STXBP5L: variants seen among roughly 807,000 people sequenced by gnomAD.
The protein encoded by STXBP5L is syntaxin-binding protein 5-like.
A neutral mutation model predicts 144.5 loss-of-function variants in STXBP5L; 65 were observed. The observed-to-expected ratio is 0.45, with a 90% confidence interval of 0.37 to 0.55. The LOEUF (loss-of-function observed/expected upper bound fraction) is 0.55. Ranked by LOEUF, STXBP5L falls within the 20% of genes least tolerant of loss-of-function variation. The pLI, the probability that STXBP5L is intolerant of heterozygous loss-of-function variation, is 0.00. For synonymous variants in STXBP5L, 505 were observed against 469.6 expected (o/e 1.08, Z -0.97); for missense variants, 1,298 against 1,405.5 (o/e 0.92, Z 1.22).
At chr3:121,292,048 A>C (rs1380463859) in intron 19 of STXBP5L, among the ~76,000 whole-genome samples, 1 of 152,232 alleles carries the variant, frequency 6.6e-6, no homozygotes, top group Non-Finnish European at 1.5e-5. Context: ...ACAAAGATAA[A>C]TAGATGGGAC....
chr3:121,030,974 A>G (rs757403150), intron 3 of STXBP5L, among the ~76,000 whole-genome samples: 1 of 152,094 alleles, frequency 6.6e-6, no homozygotes, highest in Non-Finnish European at 1.5e-5. Flanking sequence ...AACATCGCAA[A>G]CCATGCTATA....
chr3:121,220,449 A>G (rs2048940344), intron 10 of STXBP5L, among the ~76,000 whole-genome samples: 2 of 152,118 alleles, frequency 1.3e-5, no homozygotes, highest in Admixed American at 1.3e-4. Flanking sequence ...CTGGTACAAC[A>G]TTTAGTGTGG....
chr3:121,061,024 T>C (rs1286974363), intron 5 of STXBP5L, among the ~76,000 whole-genome samples: 1 of 152,212 alleles, frequency 6.6e-6, no homozygotes, highest in Non-Finnish European at 1.5e-5. Context: ...CTTTTGAATA[T>C]GTTTGCTCTT....
intron 3 of STXBP5L, among the ~76,000 whole-genome samples, chr3:121,011,496 C>T (rs1367545901): frequency 5.3e-5 from 8 of 151,662 alleles, no homozygotes; most frequent in African/African-American, 1.2e-4. Flanking sequence ...GATACTAGTG[C>T]GCCACTATCA....
At chr3:120,918,446 C>T (rs576810250) in intron 2 of STXBP5L, among the ~76,000 whole-genome samples, 21 of 152,220 alleles carry the variant, frequency 1.4e-4, no homozygotes, top group Non-Finnish European at 2.8e-4. Flanking sequence ...ATTGAACCCC[C>T]AGCTTCAACA....
At chr3:120,922,643 A>G (rs1709413555) in intron 2 of STXBP5L, among the ~76,000 whole-genome samples, 1 of 151,906 alleles carries the variant, frequency 6.6e-6, no homozygotes, top group Non-Finnish European at 1.5e-5. Flanking sequence ...GTTTTTTTCT[A>G]TCCAGTTTGC....
At position 121,424,312 on chromosome 3, in the gene STXBP5L, A is replaced by T. The variant is rs2047414661; in HGVS notation, c.*5215A>T. 6.6e-6 allele frequency: 1 copy of T among 152,214 alleles called. No individual in the cohort carries two copies. Among genetic ancestry groups the T allele is most frequent in the African/African-American group, 2.4e-5 (1 of 41,458 alleles). 9.4% of individuals were successfully genotyped at this position (152,214 alleles called of 1,614,324 possible). On this transcript the variant is annotated 3_prime_UTR_variant, in exon 27 of 27. Transcript: ENST00000471454. ...TTGGACATGTGTTTAAAGGAAAAGA[A>T]TACCTGTAACTTCCTATATGACATC... is the stretch of plus-strand genomic sequence containing the variant.
At chr3:121,322,580 C>T (rs1253963523) in intron 20 of STXBP5L, among the ~76,000 whole-genome samples, 2 of 151,500 alleles carry the variant, frequency 1.3e-5, no homozygotes, top group East Asian at 3.9e-4. Context: ...TTGATGGGCA[C>T]CTGGTTAATT....
At chr3:121,358,721 G>A (rs991264468) in intron 20 of STXBP5L, among the ~76,000 whole-genome samples, 14 of 152,160 alleles carry the variant, frequency 9.2e-5, no homozygotes, top group African/African-American at 2.6e-4. Context: ...TTTTTAGATC[G>A]CACAAATAAG....
At chr3:120,931,085 T>C (rs1449240754) in intron 2 of STXBP5L, among the ~76,000 whole-genome samples, 2 of 151,818 alleles carry the variant, frequency 1.3e-5, no homozygotes, top group African/African-American at 2.4e-5. Context: ...TTAAACAAAG[T>C]TGGGTTTTCT....
At chr3:120,967,266 T>C (rs1166137253) in intron 3 of STXBP5L, among the ~76,000 whole-genome samples, 1 of 152,154 alleles carries the variant, frequency 6.6e-6, no homozygotes, top group Non-Finnish European at 1.5e-5. Flanking sequence ...GGTGAGACAA[T>C]GCATCACCCT....
chr3:121,338,249 T>C (rs993582228), intron 20 of STXBP5L, among the ~76,000 whole-genome samples: 8 of 151,884 alleles, frequency 5.3e-5, no homozygotes, highest in Admixed American at 6.6e-5. Flanking sequence ...AATAATACAA[T>C]AGATCAACAA....
chr3:121,198,978 G>C (rs1024462575), intron 9 of STXBP5L, among the ~76,000 whole-genome samples: 1 of 151,968 alleles, frequency 6.6e-6, no homozygotes, highest in Non-Finnish European at 1.5e-5. Flanking sequence ...GTTATTTTTT[G>C]GTTCCATATG....
intron 24 of STXBP5L, 53 bp downstream of exon 24, chr3:121,413,376 G>C: frequency 7.0e-7 from 1 of 1,433,894 alleles, no homozygotes; most frequent in Non-Finnish European, 9.2e-7. Flanking sequence ...TTGAGAGAAT[G>C]AGAAAGATGT....
intron 3 of STXBP5L, among the ~76,000 whole-genome samples, chr3:121,036,223 C>T (rs1384285790): frequency 6.6e-6 from 1 of 152,032 alleles, no homozygotes; most frequent in Admixed American, 6.6e-5. Flanking sequence ...ATCCCACTTA[C>T]TTGGGAAGCT....
intron 2 of STXBP5L, among the ~76,000 whole-genome samples, chr3:120,927,566 T>C (rs1421033445): frequency 6.6e-6 from 1 of 152,200 alleles, no homozygotes. Context: ...GCTCACTTTT[T>C]ACAAAGTAGA....
intron 2 of STXBP5L, among the ~76,000 whole-genome samples, chr3:120,939,870 T>A (rs1710475107): frequency 6.6e-6 from 1 of 152,158 alleles, no homozygotes; most frequent in Non-Finnish European, 1.5e-5. Flanking sequence ...CTTAAAATGA[T>A]CTAGTTCACT....
At chr3:121,179,769 A>G (rs917163264) in intron 9 of STXBP5L, among the ~76,000 whole-genome samples, 2 of 152,164 alleles carry the variant, frequency 1.3e-5, no homozygotes, top group Non-Finnish European at 1.5e-5. Context: ...AATGAAAGAC[A>G]CACTTAGGGA....
chr3:121,170,549 G>A (rs2108057655), intron 9 of STXBP5L, among the ~76,000 whole-genome samples: 1 of 152,282 alleles, frequency 6.6e-6, no homozygotes, highest in South Asian at 2.1e-4. Context: ...TACCAGCAGA[G>A]AATACTATAA....
Sources: allele counts gnomAD v4.1 joint callset (sites outside exome capture counted in the v4.1 genomes callset), GRCh38; gene constraint gnomAD v4.1.1; transcripts MANE v1.5; gene names NCBI Gene and HGNC (gene_info 2026-07-23, HGNC 2026-07-21).